Variants in CEP162 observed in about 807,000 individuals in gnomAD.
CEP162 encodes centrosomal protein of 162 kDa.
A neutral mutation model predicts 169.2 loss-of-function variants in CEP162; 141 were observed. The observed-to-expected ratio is 0.83, with a 90% CI of 0.73 to 0.96. The LOEUF is 0.96. Ranked by LOEUF, CEP162 falls within the 40% of genes least tolerant of loss-of-function variation. CEP162 has a pLI of 0.00. For synonymous variants in CEP162, 540 were observed against 526.4 expected (o/e 1.03, Z -0.35); for missense variants, 1,600 against 1,587.2 (o/e 1.01, Z -0.14).
intron 16 of CEP162, among the ~76,000 whole-genome samples, chr6:84,172,737 C>A (rs926524009): frequency 3.9e-5 from 6 of 152,084 alleles, no homozygotes. Flanking sequence ...ACATTGTAAT[C>A]ATTGATGGGG....
chr6:84,156,000 C>A (rs1173021307), intron 21 of CEP162, among the ~76,000 whole-genome samples: 2 of 152,076 alleles, frequency 1.3e-5, no homozygotes, highest in East Asian at 3.9e-4. Context: ...GCTATAGCAG[C>A]CAAAACAGCA....
intron 6 of CEP162, among the ~76,000 whole-genome samples, chr6:84,204,904 C>G (rs2099546149): frequency 2.0e-5 from 3 of 152,250 alleles, no homozygotes; most frequent in Middle Eastern, 3.4e-3. Flanking sequence ...CACCACCGAT[C>G]CCACAGAAAT....
chr6:84,148,030 C>T (rs2099519691), intron 24 of CEP162, among the ~76,000 whole-genome samples: 1 of 152,106 alleles, frequency 6.6e-6, no homozygotes, highest in Non-Finnish European at 1.5e-5. Flanking sequence ...CATGATACTA[C>T]TTTTCCTACC....
rs780690537 is a variant in CEP162, at chr6:84,194,958, T to C, written c.953A>G (p.Asp318Gly). 2 of 1,613,700 alleles carry C rather than the reference T, an allele frequency of 1.2e-6. No homozygotes were observed. The highest frequency in any genetic ancestry group is 8.5e-7 in the Non-Finnish European group (1 of 1,179,718). ...ATGACCTTTCACTGAGCTCTTGATA[T>C]CTTCCACTGTGTTACTCTCAATTTT... ...KQKIESNTVE[D>G]IKSSVKGHPQ... Residue 318 changes from aspartate to glycine, a missense_variant, in exon 10 of 27, where the codon GAT becomes GGT. Asp to Gly is a moderately conservative substitution (Grantham distance 94, BLOSUM62 -1). Coordinates refer to ENST00000403245, the MANE Select transcript of CEP162 (RefSeq NM_014895.4).
At chr6:84,184,065 CCA>C (rs974816458) in intron 13 of CEP162, among the ~76,000 whole-genome samples, 11 of 152,128 alleles carry the variant, frequency 7.2e-5, no homozygotes, top group Non-Finnish European at 1.6e-4. Flanking sequence ...CTATCTGCCT[CCA>C]CAGTTCCTAG....
At chr6:84,201,060 C>T (rs1165689282) in intron 8 of CEP162, among the ~76,000 whole-genome samples, 155 bp from the exon 9 acceptor site, 2 of 152,170 alleles carry the variant, frequency 1.3e-5, no homozygotes, top group Non-Finnish European at 1.5e-5. Flanking sequence ...GGGCAGATCA[C>T]GAGGTCAGGA....
chr6:84,195,239 C>T (rs1250569781), intron 9 of CEP162, among the ~76,000 whole-genome samples, 164 bp from the exon 10 acceptor site: 2 of 152,212 alleles, frequency 1.3e-5, no homozygotes, highest in Non-Finnish European at 2.9e-5. Flanking sequence ...ATAGCAGGCT[C>T]AACAACTCTT....
chr6:84,223,500 A>AAAATAAATAAATAAAT (rs539333560), intron 2 of CEP162, among the ~76,000 whole-genome samples: 37 of 150,498 alleles, frequency 2.5e-4, no homozygotes, highest in African/African-American at 9.0e-4. Context: ...CTCTATCTCA[A>AAAATAAATAAATAAAT]AAATAAATAA....
rs60494773 is a variant in CEP162 at position 84,137,549 on chromosome 6, C to T, written c.3870+9138G>A. Among the ~76,000 whole-genome samples the T allele has an allele frequency of 9.3e-3, 1,412 of 151,844 alleles. 16 individuals are homozygous for T. The highest frequency in any genetic ancestry group is 0.032 in the African/African-American group (1,336 of 41,396). The stretch of plus-strand genomic sequence containing the variant: ...AATATGCAGATTAAAAAAAATAAAA[C>T]CCCACAAATGAAAAAATCTGTAATC... On this transcript the variant is annotated intron_variant, in intron 25 of 26. Transcript: ENST00000403245.
At chr6:84,139,668 G>T (rs1459739723) in intron 25 of CEP162, among the ~76,000 whole-genome samples, 1 of 152,152 alleles carries the variant, frequency 6.6e-6, no homozygotes, top group African/African-American at 2.4e-5. Context: ...TCTGTCTATA[G>T]CAGTCAGTCA....
At chr6:84,151,281 T>TA (rs998818426) in intron 23 of CEP162, among the ~76,000 whole-genome samples, 3 of 151,384 alleles carry the variant, frequency 2.0e-5, no homozygotes, top group East Asian at 3.9e-4. Context: ...TGGGGAAGGT[T>TA]AAAAAAAAGG....
Position 84,126,478 on chromosome 6 carries a change from T to C in CEP162, c.3905A>G (p.Lys1302Arg), listed in dbSNP as rs1457010183. 6.4e-7 allele frequency: 1 copy of C among 1,566,096 alleles called. No individual in the cohort carries two copies. Among genetic ancestry groups the C allele is most frequent in the Non-Finnish European group, 8.7e-7 (1 of 1,154,186 alleles). The change falls in exon 26 of 27, where the codon AAA becomes AGA. Residue 1302 changes from lysine (K) to arginine (R), a missense_variant. By Grantham distance (26) the Lys-to-Arg change is conservative (BLOSUM62 2). Transcript: ENST00000403245. ...TKLLEELREA[K>R]ENHTPEMKHF... Reference sequence around the variant, plus strand: ...TTTCATCTCTGGTGTATGGTTTTCTTTGGCTTCTCTCAATTCTTCTAAGAG... The same window carrying C: ...TTTCATCTCTGGTGTATGGTTTTCTCTGGCTTCTCTCAATTCTTCTAAGAG...
At chr6:84,201,283 C>CAACAAACAAACAAACA (rs143611774) in intron 8 of CEP162, among the ~76,000 whole-genome samples, 1 of 151,256 alleles carries the variant, frequency 6.6e-6, no homozygotes, top group African/African-American at 2.4e-5. Context: ...GTCTCACAAA[C>CAACAAACAAACAAACA]AACAAACAAA....
intron 23 of CEP162, among the ~76,000 whole-genome samples, chr6:84,151,976 G>A (rs1562016315): frequency 6.6e-6 from 1 of 152,120 alleles, no homozygotes; most frequent in South Asian, 2.1e-4. Flanking sequence ...GATTGGATTG[G>A]AACCTGATCA....
At chr6:84,205,337 C>T (rs550371102) in intron 6 of CEP162, among the ~76,000 whole-genome samples, 18 of 152,174 alleles carry the variant, frequency 1.2e-4, no homozygotes, top group Non-Finnish European at 2.1e-4. Context: ...ACTGGCAAAC[C>T]GAATCTAGCA....
At position 84,201,733 on chromosome 6, in the gene CEP162, T is replaced by C. The variant is rs770952813; in HGVS notation, c.718+4A>G. On this transcript the variant is annotated splice_donor_region_variant and intron_variant, in intron 8 of 26. Transcript: ENST00000403245. ...ACTAAAACATGAATATAAATAATAT[T>C]TACCATTAGCAAGCATGCCAGTTTT... 1.7e-5 allele frequency: 22 copies of C among 1,316,162 alleles called. No homozygotes were observed. In the African/African-American group the frequency reaches 2.5e-4, roughly 15 times the overall value. The allele number at this position is 1,316,162 out of a possible 1,614,324, so 81.5% of individuals were successfully genotyped here.
intron 11 of CEP162, among the ~76,000 whole-genome samples, chr6:84,193,287 TCATAAA>T (rs1404774562): frequency 6.6e-6 from 1 of 152,214 alleles, no homozygotes; most frequent in Non-Finnish European, 1.5e-5. Flanking sequence ...AATCTATGAC[TCATAAA>T]CATAATAAAA....
At chr6:84,202,391 CCAGA>C (rs1213362491) in intron 7 of CEP162, among the ~76,000 whole-genome samples, 5 of 152,094 alleles carry the variant, frequency 3.3e-5, no homozygotes, top group Admixed American at 6.6e-5. Context: ...TGATTCTTAC[CCAGA>C]CAGTGCTCTG....
At chr6:84,152,336 G>A (rs6931840) in intron 23 of CEP162, among the ~76,000 whole-genome samples, 3,677 of 152,248 alleles carry the variant, frequency 0.024, 137 homozygotes, top group African/African-American at 0.085. Context: ...TGACACAGAT[G>A]TTCAGGTACA....
Sources: allele counts gnomAD v4.1 joint callset (sites outside exome capture counted in the v4.1 genomes callset), GRCh38; gene constraint gnomAD v4.1.1; transcripts MANE v1.5; gene names NCBI Gene and HGNC (gene_info 2026-07-23, HGNC 2026-07-21).